ATG5: variants seen among roughly 807,000 people sequenced by gnomAD.
ATG5 encodes autophagy related 5.
Under a neutral mutation model 36.5 loss-of-function variants are expected in ATG5, and 14 were observed. That is an observed-to-expected ratio of 0.38 (90% CI 0.25 to 0.60). ATG5 has a LOEUF of 0.60. Ranked by LOEUF, ATG5 falls within the 20% of genes least tolerant of loss-of-function variation. The pLI, the probability that ATG5 is intolerant of heterozygous loss-of-function variation, is 0.60. For missense variants in ATG5, 195 were observed against 326.7 expected, an observed-to-expected ratio of 0.60 and a Z score of 3.11; for synonymous variants, 95 against 101.5, an observed-to-expected ratio of 0.94 and a Z score of 0.38.
At chr6:106,246,190 T>C (rs565492688) in intron 6 of ATG5, among the ~76,000 whole-genome samples, 13 of 152,264 alleles carry the variant, frequency 8.5e-5, no homozygotes, top group African/African-American at 3.1e-4. Flanking sequence ...AGGCTCTTTG[T>C]TGCTTTCTGT....
chr6:106,227,797 A>G lies in ATG5; in HGVS notation c.573+20353T>C, dbSNP rs370465635. Among the ~76,000 whole-genome samples, 36 of 152,376 alleles carry G rather than the reference A, an allele frequency of 2.4e-4. No individual in the cohort carries two copies. The East Asian group carries it at 4.4e-3, about 19-fold the overall frequency. ...TCTTGCACTGTTCTGGTTATTGTCA[A>G]GCTATGAGCACAAACTGATGACTGA... On this transcript the variant is annotated intron_variant, in intron 6 of 7. Coordinates refer to ENST00000369076, the MANE Select transcript of ATG5 (RefSeq NM_004849.4).
chr6:106,268,244 G>T lies in ATG5; in HGVS notation c.478+11417C>A, dbSNP rs552740640. On this transcript the variant is annotated intron_variant, in intron 5 of 7. Coordinates refer to ENST00000369076, the MANE Select transcript of ATG5 (RefSeq NM_004849.4). ...GGATATGAGCAGGCACTTCTCAAAA[G>T]AAGACATTTATGTGGCAAACAAACA... Among the ~76,000 whole-genome samples the T allele has an allele frequency of 3.3e-5, 5 of 152,274 alleles. No homozygotes were observed. In the East Asian group the frequency reaches 7.7e-4, roughly 23 times the overall value.
In ATG5 at chr6:106,185,901, T is replaced by C. The variant is rs1472436062; in HGVS notation, c.*639A>G. 2 of 152,762 alleles carry C rather than the reference T, an allele frequency of 1.3e-5. No homozygotes were observed. Among genetic ancestry groups the C allele is most frequent in the African/African-American group, 2.4e-5 (1 of 41,436 alleles). The allele number at this position is 152,762 out of a possible 1,614,324, so 9.5% of individuals were successfully genotyped here. On this transcript the variant is annotated 3_prime_UTR_variant, in exon 8 of 8. Coordinates refer to ENST00000369076, the MANE Select transcript of ATG5 (RefSeq NM_004849.4). ...TGTGAGTCAGAAAGTACTTGAAAAG[T>C]GACAAAACTGTATGTTATTAAATGA...
At chr6:106,214,783 G>A (rs896202725) in intron 6 of ATG5, among the ~76,000 whole-genome samples, 14 of 152,180 alleles carry the variant, frequency 9.2e-5, no homozygotes, top group African/African-American at 2.9e-4. Flanking sequence ...TCTTGGGATC[G>A]AGATCAATTT....
At chr6:106,280,941 A>G (rs936672426) in intron 4 of ATG5, among the ~76,000 whole-genome samples, 1 of 152,172 alleles carries the variant, frequency 6.6e-6, no homozygotes, top group African/African-American at 2.4e-5. Flanking sequence ...ATTATTTTAC[A>G]AAGTTATTAT....
rs1252730257 is a variant in ATG5, at chr6:106,248,183, A to T, written c.540T>A (p.Asn180Lys). The change falls in exon 6 of 8, where the codon AAT becomes AAA. Residue 180 changes from asparagine to lysine, a missense_variant. By Grantham distance (94) the Asn-to-Lys change is moderately conservative (BLOSUM62 0). Transcript: ENST00000369076. Reference sequence around the variant, plus strand: ...TTCTAAAGGGGATATAACGAAATCCATTTTCTTCTGCAGGATATTCCATGA... The same window carrying T: ...TTCTAAAGGGGATATAACGAAATCCTTTTTCTTCTGCAGGATATTCCATGA... ...RKLMEYPAEE[N>K]GFRYIPFRIY... 4 of 1,611,832 alleles carry T rather than the reference A, an allele frequency of 2.5e-6. No homozygotes were observed. In the African/African-American group the frequency reaches 4.0e-5, roughly 16 times the overall value.
intron 3 of ATG5, among the ~76,000 whole-genome samples, chr6:106,302,712 A>G (rs931735996): frequency 4.6e-5 from 7 of 152,172 alleles, no homozygotes; most frequent in African/African-American, 1.7e-4. Flanking sequence ...CTACAATAGA[A>G]TCAAACTAGA....
At chr6:106,321,967 A>C (rs567898578) in intron 1 of ATG5, among the ~76,000 whole-genome samples, 1 of 152,292 alleles carries the variant, frequency 6.6e-6, no homozygotes, top group South Asian at 2.1e-4. Flanking sequence ...TTTTCTCCCT[A>C]AACTCCTCTC....
At chr6:106,324,566 C>G (rs1189550254) in intron 1 of ATG5, among the ~76,000 whole-genome samples, 1 of 152,074 alleles carries the variant, frequency 6.6e-6, no homozygotes, top group African/African-American at 2.4e-5. Flanking sequence ...ACTGTTTTGT[C>G]CAGTGCCTAA....
At chr6:106,241,390 T>C (rs1256736546) in intron 6 of ATG5, among the ~76,000 whole-genome samples, 1 of 152,164 alleles carries the variant, frequency 6.6e-6, no homozygotes, top group Admixed American at 6.5e-5. Flanking sequence ...TGTGCACTGT[T>C]GGTGGGAATG....
chr6:106,316,416 AAAG>A lies in ATG5; in HGVS notation c.-58-153_-58-151del, dbSNP rs558341820. 1,059 of 451,860 alleles carry A rather than the reference AAAG, an allele frequency of 2.3e-3. 3 individuals carry two copies. Among genetic ancestry groups the A allele is most frequent in the Non-Finnish European group, 3.5e-3 (906 of 256,658 alleles). The allele number at this position is 451,860 out of a possible 1,614,324, so 28.0% of individuals were successfully genotyped here. A position where few individuals can be genotyped will look rare whatever the true frequency, so the allele number is the denominator to read the frequency against. ...GATCACCAATCTTTAGTATAAATTCAAAGAAAAGAGTACAACAAATTCTAAATG... is the reference window on the plus strand; with the variant it reads ...GATCACCAATCTTTAGTATAAATTCAAAAAGAGTACAACAAATTCTAAATG... On this transcript the variant is annotated intron_variant, in intron 1 of 7. Coordinates refer to ENST00000369076, the MANE Select transcript of ATG5 (RefSeq NM_004849.4).
intron 7 of ATG5, among the ~76,000 whole-genome samples, chr6:106,197,310 G>A (rs1438124474): frequency 6.6e-6 from 1 of 152,160 alleles, no homozygotes; most frequent in African/African-American, 2.4e-5. Flanking sequence ...TCACTTGAGT[G>A]AGAAATGTAA....
intron 5 of ATG5, among the ~76,000 whole-genome samples, chr6:106,250,277 A>G (rs1273896907): frequency 6.6e-6 from 1 of 150,986 alleles, no homozygotes; most frequent in East Asian, 1.9e-4. Context: ...TTCTTCTTAC[A>G]CCCCTGTCCT....
At chr6:106,228,790 T>C (rs1197772172) in intron 6 of ATG5, among the ~76,000 whole-genome samples, 1 of 152,180 alleles carries the variant, frequency 6.6e-6, no homozygotes, top group African/African-American at 2.4e-5. Context: ...ACGATTAGCA[T>C]GGCCGCCAGA....
At chr6:106,313,786 A>G (rs1224401528) in intron 2 of ATG5, among the ~76,000 whole-genome samples, 3 of 152,212 alleles carry the variant, frequency 2.0e-5, no homozygotes, top group African/African-American at 7.2e-5. Flanking sequence ...CTACAGCTAT[A>G]TTGGCACTAA....
At chr6:106,246,241 C>T (rs954652511) in intron 6 of ATG5, among the ~76,000 whole-genome samples, 3 of 152,024 alleles carry the variant, frequency 2.0e-5, no homozygotes, top group African/African-American at 4.8e-5. Context: ...CATTAAAGAT[C>T]AAGCAGGAGG....
intron 6 of ATG5, among the ~76,000 whole-genome samples, chr6:106,247,872 T>C (rs1309461015): frequency 6.6e-6 from 1 of 152,168 alleles, no homozygotes; most frequent in African/African-American, 2.4e-5. Context: ...TGAATGACCG[T>C]AAAAGTGCTC....
intron 6 of ATG5, among the ~76,000 whole-genome samples, chr6:106,219,112 C>A (rs1777148477): frequency 2.0e-5 from 3 of 152,050 alleles, no homozygotes. Flanking sequence ...AGAATAAATT[C>A]TTTTGTTTTA....
rs768920976 is a variant in ATG5, at chr6:106,201,965, G to GTA, written c.691+5_691+6dup. 6.3e-7 allele frequency: 1 copy of GTA among 1,586,456 alleles called. No individual in the cohort carries two copies. The highest frequency in any genetic ancestry group is 8.6e-7 in the Non-Finnish European group (1 of 1,157,652). Reference sequence around the variant, plus strand: ...AAGAAATGTTTTAATGTTGCTGATTGTATTACCTTCAGGATCAATAGCAGA... The same window carrying GTA: ...AAGAAATGTTTTAATGTTGCTGATTGTATATTACCTTCAGGATCAATAGCAGA... On this transcript the variant is annotated splice_region_variant and intron_variant, in intron 7 of 7. Coordinates refer to ENST00000369076, the MANE Select transcript of ATG5 (RefSeq NM_004849.4).
Sources: gnomAD v4.1 joint callset for allele counts (sites outside exome capture counted in the v4.1 genomes callset) on GRCh38, gnomAD v4.1.1 for gene constraint, MANE v1.5 for transcripts, NCBI Gene and HGNC (gene_info 2026-07-23, HGNC 2026-07-21) for gene names.